SLCO1B3: variants seen among roughly 807,000 people sequenced by gnomAD.
SLCO1B3 encodes liver-specific organic anion transporter 2.
Under a neutral mutation model 71.8 loss-of-function variants are expected in SLCO1B3, and 72 were observed. The observed-to-expected ratio is 1.00, with a 90% CI of 0.83 to 1.22. The LOEUF is 1.22. Among genes scored for constraint, SLCO1B3 ranks in the 50% most tolerant of loss-of-function variants. The pLI, the probability that SLCO1B3 is intolerant of heterozygous loss-of-function variation, is 0.00. For synonymous variants in SLCO1B3, 298 were observed against 278.4 expected (o/e 1.07, Z -0.70); for missense variants, 911 against 819.7 (o/e 1.11, Z -1.36).
At chr12:20,838,222 A>G (rs1244098112) in intron 3 of SLCO1B3, among the ~76,000 whole-genome samples, 2 of 151,898 alleles carry the variant, frequency 1.3e-5, no homozygotes, top group Non-Finnish European at 2.9e-5. Flanking sequence ...AACCTCTGGT[A>G]ACTTTCCTTG....
chr12:20,878,941 A>G (rs1358895558), intron 10 of SLCO1B3, among the ~76,000 whole-genome samples: 2 of 152,166 alleles, frequency 1.3e-5, no homozygotes, highest in Non-Finnish European at 2.9e-5. Flanking sequence ...TTGAGGATTG[A>G]AACATTTTGA....
intron 3 of SLCO1B3, among the ~76,000 whole-genome samples, chr12:20,831,905 A>G (rs1415086907): frequency 6.6e-6 from 1 of 152,198 alleles, no homozygotes; most frequent in African/African-American, 2.4e-5. Context: ...TTGCGTTAAT[A>G]GATTTTCTTC....
At chr12:20,910,056 A>G (rs1866343887) in intron 15 of SLCO1B3, among the ~76,000 whole-genome samples, 1 of 152,142 alleles carries the variant, frequency 6.6e-6, no homozygotes, top group Non-Finnish European at 1.5e-5. Context: ...ACCGAATCCT[A>G]GGTTGCTTAC....
At chr12:20,817,009 A>T (rs1864206213) in intron 3 of SLCO1B3, among the ~76,000 whole-genome samples, 1 of 152,194 alleles carries the variant, frequency 6.6e-6, no homozygotes, top group Non-Finnish European at 1.5e-5. Flanking sequence ...CTTTTGAGAA[A>T]TGTATATTCA....
chr12:20,900,257 T>C (rs1213053203), intron 14 of SLCO1B3, among the ~76,000 whole-genome samples: 1 of 152,162 alleles, frequency 6.6e-6, no homozygotes, highest in African/African-American at 2.4e-5. Flanking sequence ...TTTCTCAGTC[T>C]CAGAAAATTG....
intron 3 of SLCO1B3, among the ~76,000 whole-genome samples, chr12:20,842,653 C>T (rs945163197): frequency 8.6e-5 from 13 of 151,664 alleles, no homozygotes; most frequent in South Asian, 6.2e-4. Flanking sequence ...TGTCCACTTA[C>T]GTTTATTGTA....
At chr12:20,901,496 T>C (rs1866134000) in intron 15 of SLCO1B3, 29 bp downstream of exon 15, 2 of 1,203,294 alleles carry the variant, frequency 1.7e-6, no homozygotes, top group East Asian at 2.5e-5. Context: ...ATTTCATTAA[T>C]AGATTTTTTC....
chr12:20,820,970 T>G (rs1864291205), intron 3 of SLCO1B3, among the ~76,000 whole-genome samples: 1 of 151,638 alleles, frequency 6.6e-6, no homozygotes, highest in Non-Finnish European at 1.5e-5. Flanking sequence ...GGATCAGGTG[T>G]GAGGAGGGGA....
intron 15 of SLCO1B3, 49 bp downstream of exon 15, chr12:20,901,516 G>C (rs972180343): frequency 1.0e-6 from 1 of 960,274 alleles, no homozygotes; most frequent in Non-Finnish European, 1.6e-6. Flanking sequence ...CTTTGTCTAT[G>C]TTAATGTCTA....
At chr12:20,869,309 C>T (rs1052767477) in intron 8 of SLCO1B3, among the ~76,000 whole-genome samples, 6 of 152,204 alleles carry the variant, frequency 3.9e-5, no homozygotes, top group South Asian at 2.1e-4. Context: ...ACAGAAGGCT[C>T]GCACTCTTGT....
chr12:20,914,626 A>G lies in SLCO1B3; in HGVS notation c.1866-1378A>G, dbSNP rs1448926335. Among the ~76,000 whole-genome samples, 3 of 152,092 alleles carry G rather than the reference A, an allele frequency of 2.0e-5. No homozygotes were observed. The South Asian group carries it at 6.2e-4, about 32-fold the overall frequency. On this transcript the variant is annotated intron_variant, in intron 15 of 15. Coordinates refer to ENST00000381545, the MANE Select transcript of SLCO1B3 (RefSeq NM_019844.4). The stretch of plus-strand genomic sequence containing the variant: ...CTCTGATATTCTTCCATCTTTATGT[A>G]TATCCGAGTTTATGACCTATATCAT...
intron 15 of SLCO1B3, among the ~76,000 whole-genome samples, chr12:20,906,162 A>G (rs1436011079): frequency 1.3e-5 from 2 of 152,172 alleles, no homozygotes; most frequent in Admixed American, 6.5e-5. Context: ...AACTATATCA[A>G]TCAATAAAAA....
intron 3 of SLCO1B3, among the ~76,000 whole-genome samples, chr12:20,844,799 G>A (rs543131776): frequency 1.3e-5 from 2 of 152,134 alleles, no homozygotes; most frequent in Middle Eastern, 3.4e-3. Flanking sequence ...GGAGGCCAAG[G>A]TGGGCGAATC....
intron 15 of SLCO1B3, among the ~76,000 whole-genome samples, chr12:20,908,999 G>A (rs1205290789): frequency 6.6e-6 from 1 of 151,950 alleles, no homozygotes; most frequent in Non-Finnish European, 1.5e-5. Flanking sequence ...TTTGCATTTT[G>A]ACCAACAATG....
chr12:20,834,725 C>T (rs551158459), intron 3 of SLCO1B3, among the ~76,000 whole-genome samples: 11 of 152,092 alleles, frequency 7.2e-5, no homozygotes, highest in African/African-American at 2.6e-4. Flanking sequence ...GGGAACAACC[C>T]TCCTCCCAGC....
At chr12:20,814,938 G>A (rs1372793818) in intron 2 of SLCO1B3, among the ~76,000 whole-genome samples, 1 of 149,072 alleles carries the variant, frequency 6.7e-6, no homozygotes, top group Non-Finnish European at 1.5e-5. Context: ...TCTGGATAAG[G>A]GGACAAAGGT....
intron 15 of SLCO1B3, among the ~76,000 whole-genome samples, chr12:20,911,819 C>G (rs879797022): frequency 6.6e-6 from 1 of 152,044 alleles, no homozygotes; most frequent in Non-Finnish European, 1.5e-5. Context: ...ATCGTGTCCT[C>G]CTTTTTATCT....
intron 8 of SLCO1B3, among the ~76,000 whole-genome samples, chr12:20,873,172 A>G (rs1275963042): frequency 6.6e-6 from 1 of 152,180 alleles, no homozygotes; most frequent in South Asian, 2.1e-4. Context: ...CCCATGTGCT[A>G]GTTTAAATCA....
intron 3 of SLCO1B3, among the ~76,000 whole-genome samples, chr12:20,847,004 C>G (rs1864932901): frequency 6.6e-6 from 1 of 151,942 alleles, no homozygotes; most frequent in African/African-American, 2.4e-5. Flanking sequence ...GAACTTAAAG[C>G]AGAGAGCTGG....
Sources: gnomAD v4.1 joint callset for allele counts (sites outside exome capture counted in the v4.1 genomes callset) on GRCh38, gnomAD v4.1.1 for gene constraint, MANE v1.5 for transcripts, NCBI Gene and HGNC (gene_info 2026-07-23, HGNC 2026-07-21) for gene names.